Variants in DAAM2 observed in about 807,000 individuals in gnomAD.
DAAM2 encodes the protein dishevelled associated activator of morphogenesis 2.
Under a neutral mutation model 120.7 loss-of-function variants are expected in DAAM2, and 39 were observed. The ratio of observed to expected loss-of-function variants is 0.32; its 90% CI spans 0.25 to 0.42. The LOEUF (loss-of-function observed/expected upper bound fraction) is 0.42. DAAM2 is among the 10% of genes least tolerant of loss of function. DAAM2 has a pLI of 1.00. For synonymous variants in DAAM2, 488 were observed against 524.9 expected (o/e 0.93, Z 0.96); for missense variants, 1,283 against 1,401.7 (o/e 0.92, Z 1.35).
At chr6:39,867,868 A>T in intron 6 of DAAM2, 25 bp downstream of exon 6, 1 of 1,541,614 alleles carries the variant, frequency 6.5e-7, no homozygotes, top group African/African-American at 1.4e-5. Context: ...TGGAGGTGGG[A>T]TGCCAGCTGG....
Position 39,902,012 on chromosome 6 carries a change from G to A in DAAM2, c.3182G>A (p.Arg1061Gln), listed in dbSNP as rs771620164. 1.8e-5 allele frequency: 29 copies of A among 1,609,784 alleles called. No individual in the cohort carries two copies. In the African/African-American group the frequency reaches 2.9e-4, roughly 16 times the overall value. ...GSQALEVTRE[R>Q]AINRLNY ...CAGGCCCTGGAAGTTACCCGGGAGC[G>A]GGCAATAAACCGGCTAAATTATTGA... is the stretch of plus-strand genomic sequence containing the variant. Residue 1061 changes from arginine to glutamine, a missense_variant, in exon 25 of 25, where the codon CGG (arginine) becomes CAG (glutamine). Coordinates refer to ENST00000274867, the MANE Select transcript of DAAM2 (RefSeq NM_001201427.2).
chr6:39,884,097 G>C (rs1765263325), intron 15 of DAAM2, 28 bp downstream of exon 15: 1 of 1,261,962 alleles, frequency 7.9e-7, no homozygotes, highest in African/African-American at 1.5e-5. Flanking sequence ...CTGGCCTCTT[G>C]GACCATACCC....
At chr6:39,824,703 A>G (rs1762606135) in intron 1 of DAAM2, among the ~76,000 whole-genome samples, 1 of 152,142 alleles carries the variant, frequency 6.6e-6, no homozygotes, top group Non-Finnish European at 1.5e-5. Context: ...AGGGAGGCAG[A>G]TGTTTGAGCT....
chr6:39,855,769 A>G (rs1427416740), intron 1 of DAAM2, among the ~76,000 whole-genome samples: 1 of 152,200 alleles, frequency 6.6e-6, no homozygotes, highest in Non-Finnish European at 1.5e-5. Flanking sequence ...TTCCTCTGCC[A>G]GCCTTCTTCA....
intron 21 of DAAM2, 119 bp from the exon 22 acceptor site, chr6:39,898,758 C>G: frequency 1.2e-6 from 1 of 832,498 alleles, no homozygotes; most frequent in Non-Finnish European, 2.0e-6. Context: ...AGGGCTGGAA[C>G]CCAGGCTCAC....
intron 2 of DAAM2, among the ~76,000 whole-genome samples, chr6:39,857,663 A>G (rs958188855): frequency 6.6e-6 from 1 of 152,178 alleles, no homozygotes; most frequent in African/African-American, 2.4e-5. Flanking sequence ...CTTTTATTCA[A>G]CAGATATTTA....
intron 11 of DAAM2, among the ~76,000 whole-genome samples, chr6:39,875,943 T>G (rs1039758501): frequency 3.9e-5 from 6 of 152,200 alleles, no homozygotes; most frequent in Middle Eastern, 3.2e-3. Flanking sequence ...GCCCATGAAC[T>G]AATAATTTTT....
chr6:39,900,487 T>C (rs894664517), intron 23 of DAAM2, among the ~76,000 whole-genome samples: 5 of 152,200 alleles, frequency 3.3e-5, no homozygotes, highest in Non-Finnish European at 7.3e-5. Context: ...ACTTGACAGA[T>C]ATGAACGCTA....
At chr6:39,817,643 T>C (rs1762347051) in intron 1 of DAAM2, among the ~76,000 whole-genome samples, 1 of 152,154 alleles carries the variant, frequency 6.6e-6, no homozygotes, top group Admixed American at 6.5e-5. Flanking sequence ...TGGGCTCCCA[T>C]GGTTGTGGGA....
chr6:39,800,053 G>A (rs1479180144), intron 1 of DAAM2, among the ~76,000 whole-genome samples: 1 of 152,094 alleles, frequency 6.6e-6, no homozygotes, highest in Non-Finnish European at 1.5e-5. Context: ...TTTTTCTGAT[G>A]TCTTTATGCC....
At chr6:39,804,283 T>C (rs1761946999) in intron 1 of DAAM2, among the ~76,000 whole-genome samples, 1 of 152,186 alleles carries the variant, frequency 6.6e-6, no homozygotes, top group Non-Finnish European at 1.5e-5. Context: ...TTGATACTCC[T>C]AGAAGGTTAG....
chr6:39,873,499 G>A (rs1764747495), intron 10 of DAAM2, 144 bp downstream of exon 10: 1 of 634,966 alleles, frequency 1.6e-6, no homozygotes, highest in Non-Finnish European at 2.8e-6. Flanking sequence ...CAGGCCCCAT[G>A]ACGGAGGCCC....
At position 39,891,466 on chromosome 6, in the gene DAAM2, T is replaced by A; in HGVS notation, c.2252+19T>A. 1.3e-6 allele frequency: 2 copies of A among 1,589,716 alleles called. No homozygotes were observed. Among genetic ancestry groups the A allele is most frequent in the Non-Finnish European group, 1.7e-6 (2 of 1,165,986 alleles). ...TGAGCAGGTTGGGCCATGGGCATGGTGGGGATTCAAGCAGGTGGGGTTCTG... is the reference window on the plus strand; with the variant it reads ...TGAGCAGGTTGGGCCATGGGCATGGAGGGGATTCAAGCAGGTGGGGTTCTG... On this transcript the variant is annotated intron_variant, in intron 18 of 24. Transcript: ENST00000274867.
At chr6:39,793,840 A>T (rs1254784405) in intron 1 of DAAM2, among the ~76,000 whole-genome samples, 1 of 152,140 alleles carries the variant, frequency 6.6e-6, no homozygotes, top group African/African-American at 2.4e-5. Context: ...AGACAGACTG[A>T]ATTTTCAGCT....
chr6:39,842,990 T>TCTTAATGTC (rs1191409632), intron 1 of DAAM2, among the ~76,000 whole-genome samples: 1 of 152,240 alleles, frequency 6.6e-6, no homozygotes, highest in African/African-American at 2.4e-5. Flanking sequence ...AAGCTTCGTG[T>TCTTAATGTC]ATGCTTAATG....
chr6:39,845,997 C>T (rs1424806247), intron 1 of DAAM2, among the ~76,000 whole-genome samples: 1 of 152,026 alleles, frequency 6.6e-6, no homozygotes, highest in Non-Finnish European at 1.5e-5. Flanking sequence ...AGAGGTTGGC[C>T]CTGGTCTCAG....
At chr6:39,825,974 T>G (rs1762659152) in intron 1 of DAAM2, among the ~76,000 whole-genome samples, 1 of 152,234 alleles carries the variant, frequency 6.6e-6, no homozygotes, top group South Asian at 2.1e-4. Context: ...GGGAATGAGG[T>G]TCACATTTTA....
chr6:39,867,257 C>G (rs968356362), intron 5 of DAAM2: 8 of 496,566 alleles, frequency 1.6e-5, no homozygotes, highest in African/African-American at 1.2e-4. Context: ...GTGAAGAGGA[C>G]TTCACATTCA....
At position 39,792,425 on chromosome 6, in the gene DAAM2, A is replaced by AC. The variant is rs1447051203; in HGVS notation, c.-95dup. The AC allele has an allele frequency of 6.6e-6, 1 of 152,052 alleles. No homozygotes were observed. Among genetic ancestry groups the AC allele is most frequent in the Admixed American group, 6.6e-5 (1 of 15,266 alleles). The allele number at this position is 152,052 out of a possible 1,614,324, so 9.4% of individuals were successfully genotyped here. ...AGCGGAGCGCGGGCGGCGGCGCCGT[A>AC]CCTCGGGCTGCGGGAGCGCGGGCGC... On this transcript the variant is annotated 5_prime_UTR_variant, in exon 1 of 25. Coordinates refer to ENST00000274867, the MANE Select transcript of DAAM2 (RefSeq NM_001201427.2).
Sources: gnomAD v4.1 joint callset for allele counts (sites outside exome capture counted in the v4.1 genomes callset) on GRCh38, gnomAD v4.1.1 for gene constraint, MANE v1.5 for transcripts, NCBI Gene and HGNC (gene_info 2026-07-23, HGNC 2026-07-21) for gene names.